SYNE1: variants seen among roughly 807,000 people sequenced by gnomAD.
SYNE1 encodes the protein spectrin repeat containing nuclear envelope protein 1.
A neutral mutation model predicts 1,111.0 loss-of-function variants in SYNE1; 616 were observed. The observed-to-expected ratio is 0.55, with a 90% CI of 0.52 to 0.59. The LOEUF (loss-of-function observed/expected upper bound fraction) is 0.59, where lower values mean the gene tolerates loss of function less well. Ranked by LOEUF, SYNE1 falls within the 20% of genes least tolerant of loss-of-function variation. The pLI is 0.00. For synonymous variants in SYNE1, 3,855 were observed against 3,825.8 expected, an observed-to-expected ratio of 1.01 and a Z score of -0.28; for missense variants, 10,006 against 10,417.0, an observed-to-expected ratio of 0.96 and a Z score of 1.72.
At chr6:152,211,033 T>C (rs1268290635) in intron 124 of SYNE1, among the ~76,000 whole-genome samples, 3 of 152,212 alleles carry the variant, frequency 2.0e-5, no homozygotes, top group African/African-American at 2.4e-5. Context: ...TGCTACTTAG[T>C]TCTGTGACCC....
intron 22 of SYNE1, among the ~76,000 whole-genome samples, chr6:152,457,477 T>G (rs761240215): frequency 3.9e-5 from 6 of 152,186 alleles, no homozygotes; most frequent in Non-Finnish European, 1.5e-5. Context: ...GATGGACAGG[T>G]TCATTATAAT....
rs2097815388 is a variant in SYNE1 at position 152,401,397 on chromosome 6, C to G, written c.6826-56G>C. The G allele has an allele frequency of 9.7e-6, 15 of 1,547,548 alleles. No homozygotes were observed. The South Asian group carries it at 1.7e-4, about 17-fold the overall frequency. ...TCTGAAGACCAGAAGAATACTCATTCAGTAGAAATTCTGTTCACGTGCAGC... is the reference window on the plus strand; with the variant it reads ...TCTGAAGACCAGAAGAATACTCATTGAGTAGAAATTCTGTTCACGTGCAGC... On this transcript the variant is annotated intron_variant, in intron 46 of 145. Transcript: ENST00000367255.
chr6:152,600,737 G>A (rs994462407), intron 3 of SYNE1, among the ~76,000 whole-genome samples: 2 of 152,100 alleles, frequency 1.3e-5, no homozygotes, highest in African/African-American at 4.8e-5. Context: ...CGAAGAGATG[G>A]GAAAGAATTG....
At chr6:152,217,666 CAG>C (rs1180369704) in intron 121 of SYNE1, among the ~76,000 whole-genome samples, 2 of 151,966 alleles carry the variant, frequency 1.3e-5, no homozygotes, top group East Asian at 3.9e-4. Flanking sequence ...ATGTTAGAAA[CAG>C]AGACGAGAGG....
chr6:152,277,757 T>C (rs2093751388), intron 98 of SYNE1: 1 of 393,094 alleles, frequency 2.5e-6, no homozygotes, highest in Non-Finnish European at 4.8e-6. Flanking sequence ...CTCATTCCTC[T>C]ATATACCACT....
At chr6:152,493,197 T>C (rs2098980734) in intron 11 of SYNE1, among the ~76,000 whole-genome samples, 1 of 152,006 alleles carries the variant, frequency 6.6e-6, no homozygotes, top group African/African-American at 2.4e-5. Flanking sequence ...TCAACACCAG[T>C]ATCCCATCCC....
intron 82 of SYNE1, 60 bp downstream of exon 82, chr6:152,323,418 G>A: frequency 3.8e-6 from 6 of 1,597,248 alleles, no homozygotes; most frequent in African/African-American, 1.3e-5. Flanking sequence ...CAGCCTGGGC[G>A]ACAGAGCGAG....
rs746663201 is a variant in SYNE1, at chr6:152,376,450, G to A, written c.9255C>T (p.Ile3085=). 4.3e-6 allele frequency: 7 copies of A among 1,614,048 alleles called. No individual in the cohort carries two copies. The Admixed American group carries it at 1.2e-4, about 27-fold the overall frequency. The change falls in exon 58 of 146, where the codon ATC becomes ATT. Residue 3085 remains isoleucine (I), a synonymous_variant. Coordinates refer to ENST00000367255, the MANE Select transcript of SYNE1 (RefSeq NM_182961.4). ...DFQQWLVNAK[I]TTAKCFDIPQ... is the part of the protein sequence containing the mutation. The stretch of plus-strand genomic sequence containing the variant: ...GTATATCAAAACACTTGGCGGTAGT[G>A]ATTTTTGCATTAACCAACCACTGCT...
Position 152,236,874 on chromosome 6 carries a change from G to A in SYNE1, c.20142C>T (p.Ser6714=), listed in dbSNP as rs201908045. The change falls in exon 109 of 146, where the codon AGC becomes AGT. Residue 6714 remains serine, a synonymous_variant. Coordinates refer to ENST00000367255, the MANE Select transcript of SYNE1 (RefSeq NM_182961.4). ...CCTCGTTCTCCTCCACCAGACCCAC[G>A]CTTGGGATGCTGCTTTCCACCACCT... ...QLEVVESSIP[S]VGLVEENEDR... is the part of the protein sequence containing the mutation. 244 of 1,614,072 alleles carry A rather than the reference G, an allele frequency of 1.5e-4. 1 individual carries two copies. The East Asian group carries it at 4.5e-3, about 30-fold the overall frequency.
chr6:152,480,833 C>A (rs2098889242), intron 14 of SYNE1: 1 of 455,566 alleles, frequency 2.2e-6, no homozygotes, highest in South Asian at 1.6e-5. Context: ...CTCAGATAAC[C>A]ATTTTCTCCA....
At chr6:152,217,484 T>G (rs2079034432) in intron 121 of SYNE1, among the ~76,000 whole-genome samples, 4 of 152,148 alleles carry the variant, frequency 2.6e-5, no homozygotes, top group Admixed American at 2.6e-4. Flanking sequence ...TATGATGTTT[T>G]CACACAATGT....
intron 4 of SYNE1, 78 bp downstream of exon 4, chr6:152,539,882 G>A: frequency 6.9e-7 from 1 of 1,441,520 alleles, no homozygotes. Flanking sequence ...AGGGACAGAA[G>A]CATTTTGTTA....
intron 95 of SYNE1, among the ~76,000 whole-genome samples, chr6:152,287,943 T>A (rs890362376): frequency 7.9e-5 from 12 of 152,226 alleles, no homozygotes; most frequent in African/African-American, 2.7e-4. Context: ...TGATATTGTT[T>A]ATTATATATG....
chr6:152,585,020 G>A (rs561477392), intron 3 of SYNE1, among the ~76,000 whole-genome samples: 2 of 152,280 alleles, frequency 1.3e-5, no homozygotes, highest in South Asian at 2.1e-4. Flanking sequence ...TACGTGTCAT[G>A]AGAGGGACCC....
At chr6:152,221,588 C>T in intron 117 of SYNE1, 29 bp from the exon 118 acceptor site, 1 of 1,613,130 alleles carries the variant, frequency 6.2e-7, no homozygotes, top group East Asian at 2.2e-5. Flanking sequence ...CCATAGATGA[C>T]ATAACAGGAT....
At chr6:152,244,018 A>T (rs2086445987) in intron 106 of SYNE1, among the ~76,000 whole-genome samples, 1 of 152,194 alleles carries the variant, frequency 6.6e-6, no homozygotes, top group African/African-American at 2.4e-5. Context: ...ACTACCTTCT[A>T]GTTTAATTTT....
At chr6:152,287,077 C>G (rs2094371609) in intron 95 of SYNE1, among the ~76,000 whole-genome samples, 1 of 152,158 alleles carries the variant, frequency 6.6e-6, no homozygotes, top group Non-Finnish European at 1.5e-5. Flanking sequence ...GTTATGACAT[C>G]CAAGCAGCAT....
At chr6:152,526,725 T>C (rs1280100588) in intron 4 of SYNE1, among the ~76,000 whole-genome samples, 1 of 152,184 alleles carries the variant, frequency 6.6e-6, no homozygotes, top group Non-Finnish European at 1.5e-5. Flanking sequence ...TGTGGGTTAG[T>C]TAGCTGTTAT....
intron 131 of SYNE1, among the ~76,000 whole-genome samples, chr6:152,161,336 GC>G (rs1281008480): frequency 6.9e-6 from 1 of 144,716 alleles, no homozygotes; most frequent in Non-Finnish European, 1.5e-5. Context: ...TTTTTTTTTA[GC>G]AGGGGACTTT....
Sources: gnomAD v4.1 joint callset for allele counts (sites outside exome capture counted in the v4.1 genomes callset) on GRCh38, gnomAD v4.1.1 for gene constraint, MANE v1.5 for transcripts, NCBI Gene and HGNC (gene_info 2026-07-23, HGNC 2026-07-21) for gene names.